The following DOCK4 variants were observed in gnomAD, a reference collection of about 807,000 sequenced individuals.
DOCK4 encodes dedicator of cytokinesis 4.
DOCK4 carries 97 observed loss-of-function variants against 268.1 expected under a neutral mutation model. That is an observed-to-expected ratio of 0.36 (90% CI 0.31 to 0.43). The LOEUF is 0.43. DOCK4 is among the 20% of genes least tolerant of loss of function. The pLI is 1.00. For missense variants in DOCK4, 2,145 were observed against 2,455.7 expected (o/e 0.87, Z 2.67); for synonymous variants, 954 against 887.2 (o/e 1.08, Z -1.34).
At chr7:111,729,577 A>AATC (rs1794922024) in intron 52 of DOCK4, among the ~76,000 whole-genome samples, 1 of 152,342 alleles carries the variant, frequency 6.6e-6, no homozygotes, top group East Asian at 1.9e-4. Flanking sequence ...CCACCAAGAT[A>AATC]ATCTGGAGGC....
Position 112,089,771 on chromosome 7 carries a change from G to A in DOCK4, c.38-85640C>T, listed in dbSNP as rs547090293. 1.8e-4 allele frequency among the ~76,000 whole-genome samples: 28 copies of A among 152,212 alleles called. No individual in the cohort carries two copies. In the East Asian group the frequency reaches 4.3e-3, roughly 23 times the overall value. On this transcript the variant is annotated intron_variant, in intron 1 of 52. Transcript: ENST00000428084. ...CTCCTGCTCCAGCAATGTAAGTCGT[G>A]CCTGCTTCCCCTTCCGCCATGATGA...
At chr7:112,201,438 C>A (rs1215667209) in intron 1 of DOCK4, among the ~76,000 whole-genome samples, 1 of 152,052 alleles carries the variant, frequency 6.6e-6, no homozygotes, top group Non-Finnish European at 1.5e-5. Context: ...TTTTCTGCAC[C>A]GATCAATCCA....
At chr7:112,105,702 T>TC (rs1384478499) in intron 1 of DOCK4, among the ~76,000 whole-genome samples, 3 of 149,570 alleles carry the variant, frequency 2.0e-5, no homozygotes, top group Non-Finnish European at 4.5e-5. Context: ...TTTTTTTTTT[T>TC]CTTCGAGGCA....
chr7:111,901,820 TA>T lies in DOCK4; in HGVS notation c.1193-20del. ...ATTTCACCTATAAGGAAAGGAAAAT[TA>T]AAACCATGTTATATATATATGAGGA... is the stretch of plus-strand genomic sequence containing the variant. On this transcript the variant is annotated intron_variant, in intron 13 of 52. Transcript: ENST00000428084. 6.6e-7 allele frequency: 1 copy of T among 1,503,896 alleles called. No individual in the cohort carries two copies. The highest frequency in any genetic ancestry group is 9.1e-7 in the Non-Finnish European group (1 of 1,098,634). The allele number at this position is 1,503,896 out of a possible 1,614,324, so 93.2% of individuals were successfully genotyped here.
At chr7:111,995,152 C>T (rs1360557026) in intron 4 of DOCK4, among the ~76,000 whole-genome samples, 1 of 151,854 alleles carries the variant, frequency 6.6e-6, no homozygotes, top group Non-Finnish European at 1.5e-5. Context: ...CTGCCTTGGC[C>T]TCCCGAGTAG....
At chr7:112,020,554 TGTA>T (rs1802226083) in intron 1 of DOCK4, among the ~76,000 whole-genome samples, 1 of 152,090 alleles carries the variant, frequency 6.6e-6, no homozygotes, top group Non-Finnish European at 1.5e-5. Flanking sequence ...AATCATGTGT[TGTA>T]GTCTCCGACT....
chr7:111,741,395 G>T, intron 46 of DOCK4, 145 bp downstream of exon 46: 1 of 1,366,180 alleles, frequency 7.3e-7, no homozygotes, highest in Non-Finnish European at 1.0e-6. Context: ...TTTACTGGTG[G>T]CAGAGGTCTG....
intron 17 of DOCK4, 71 bp downstream of exon 17, chr7:111,876,959 A>T: frequency 8.0e-7 from 1 of 1,248,814 alleles, no homozygotes; most frequent in Non-Finnish European, 1.0e-6. Flanking sequence ...TTTGGTGTTT[A>T]CTGAATATGC....
intron 32 of DOCK4, among the ~76,000 whole-genome samples, chr7:111,787,305 T>G (rs950151437): frequency 1.3e-5 from 2 of 152,116 alleles, no homozygotes; most frequent in Non-Finnish European, 2.9e-5. Flanking sequence ...ATGAGAGCAG[T>G]TTTCAAAAGC....
intron 36 of DOCK4, among the ~76,000 whole-genome samples, chr7:111,771,325 A>C (rs1418780756): frequency 6.6e-6 from 1 of 152,186 alleles, no homozygotes; most frequent in Non-Finnish European, 1.5e-5. Flanking sequence ...CCCGGACCCC[A>C]TTATCCACTT....
intron 32 of DOCK4, among the ~76,000 whole-genome samples, chr7:111,787,793 C>A (rs1311147190): frequency 6.6e-6 from 1 of 152,112 alleles, no homozygotes; most frequent in Non-Finnish European, 1.5e-5. Context: ...AAATGTGTTA[C>A]TGCATTATTT....
intron 30 of DOCK4, among the ~76,000 whole-genome samples, chr7:111,794,888 GATT>G (rs1799783209): frequency 1.3e-5 from 2 of 152,164 alleles, no homozygotes; most frequent in African/African-American, 4.8e-5. Context: ...GTGAAAACCT[GATT>G]ACAATGAATT....
At chr7:112,067,156 G>T (rs1807150973) in intron 1 of DOCK4, among the ~76,000 whole-genome samples, 1 of 148,702 alleles carries the variant, frequency 6.7e-6, no homozygotes, top group African/African-American at 2.5e-5. Flanking sequence ...TCCAGACAGA[G>T]CAAGACTCTG....
At chr7:112,055,368 T>G (rs1805719864) in intron 1 of DOCK4, among the ~76,000 whole-genome samples, 1 of 152,008 alleles carries the variant, frequency 6.6e-6, no homozygotes, top group Admixed American at 6.6e-5. Context: ...ACCCCCACAC[T>G]CACTCAGATG....
At chr7:112,075,289 G>T (rs1296686449) in intron 1 of DOCK4, among the ~76,000 whole-genome samples, 2 of 152,166 alleles carry the variant, frequency 1.3e-5, no homozygotes, top group African/African-American at 4.8e-5. Flanking sequence ...CAGGGAAAGA[G>T]AGGCAAGACT....
At chr7:112,095,620 T>C (rs967509641) in intron 1 of DOCK4, among the ~76,000 whole-genome samples, 2 of 152,164 alleles carry the variant, frequency 1.3e-5, no homozygotes, top group African/African-American at 4.8e-5. Flanking sequence ...TTGATATACT[T>C]GTATAAAGTT....
chr7:112,134,389 A>G (rs984372503), intron 1 of DOCK4, among the ~76,000 whole-genome samples: 2 of 152,190 alleles, frequency 1.3e-5, no homozygotes, highest in African/African-American at 4.8e-5. Context: ...AAGGTATAAA[A>G]AGTGTTTTTA....
chr7:111,900,570 G>C (rs1791056052), intron 14 of DOCK4, 34 bp from the exon 15 acceptor site: 1 of 1,585,412 alleles, frequency 6.3e-7, no homozygotes, highest in African/African-American at 1.4e-5. Context: ...GTTAAAGAGA[G>C]CTTCATCTAA....
chr7:111,987,537 C>T (rs1799144140), intron 6 of DOCK4, among the ~76,000 whole-genome samples: 1 of 152,200 alleles, frequency 6.6e-6, no homozygotes, highest in African/African-American at 2.4e-5. Flanking sequence ...CAACGGACCC[C>T]TCCCACTCCA....
Sources: gnomAD v4.1 joint callset for allele counts (sites outside exome capture counted in the v4.1 genomes callset) on GRCh38, gnomAD v4.1.1 for gene constraint, MANE v1.5 for transcripts, NCBI Gene and HGNC (gene_info 2026-07-23, HGNC 2026-07-21) for gene names.